The following LRMDA variants were observed in gnomAD, a reference collection of about 807,000 sequenced individuals.
LRMDA encodes leucine-rich melanocyte differentiation-associated protein.
A neutral mutation model predicts 29.8 loss-of-function variants in LRMDA; 18 were observed. That is an observed-to-expected ratio of 0.60 (90% CI 0.42 to 0.90). The LOEUF (loss-of-function observed/expected upper bound fraction) is 0.90, where lower values mean the gene tolerates loss of function less well. Ranked by LOEUF, LRMDA falls within the 40% of genes least tolerant of loss-of-function variation. The probability of loss-of-function intolerance (pLI) is 0.00; values close to 1 mark genes in which losing one functional copy is unlikely to be tolerated. For synonymous variants in LRMDA, 125 were observed against 109.4 expected (o/e 1.14, Z -0.89); for missense variants, 273 against 273.9 (o/e 1.00, Z 0.02).
At chr10:75,661,212 G>C (rs531280385) in intron 2 of LRMDA, among the ~76,000 whole-genome samples, 1 of 152,288 alleles carries the variant, frequency 6.6e-6, no homozygotes, top group Non-Finnish European at 1.5e-5. Context: ...AGGAATGACT[G>C]CTTTACTCTG....
chr10:76,234,959 A>G (rs1852125399), intron 5 of LRMDA, among the ~76,000 whole-genome samples: 1 of 152,216 alleles, frequency 6.6e-6, no homozygotes, highest in African/African-American at 2.4e-5. Flanking sequence ...ATCTCCTTCA[A>G]GAACTTTTCC....
chr10:76,512,297 C>T (rs1285440216), intron 6 of LRMDA, among the ~76,000 whole-genome samples: 1 of 152,158 alleles, frequency 6.6e-6, no homozygotes, highest in African/African-American at 2.4e-5. Context: ...AGTGTGAAAA[C>T]GGACTAATAC....
chr10:76,233,130 C>T (rs1852090756), intron 5 of LRMDA, among the ~76,000 whole-genome samples: 1 of 152,118 alleles, frequency 6.6e-6, no homozygotes, highest in Non-Finnish European at 1.5e-5. Context: ...CACCGGGGAC[C>T]CCCACTGTCT....
At chr10:75,782,067 A>AT (rs1344194567) in intron 2 of LRMDA, among the ~76,000 whole-genome samples, 1 of 152,232 alleles carries the variant, frequency 6.6e-6, no homozygotes, top group Non-Finnish European at 1.5e-5. Context: ...GAGAACCAAC[A>AT]TTGCATCTCG....
At chr10:76,469,842 C>G (rs1842600285) in intron 6 of LRMDA, among the ~76,000 whole-genome samples, 1 of 152,134 alleles carries the variant, frequency 6.6e-6, no homozygotes. Flanking sequence ...ATGTACAATT[C>G]AGTGGCATCT....
chr10:76,087,997 A>C (rs1349152959), intron 5 of LRMDA, among the ~76,000 whole-genome samples: 1 of 152,102 alleles, frequency 6.6e-6, no homozygotes, highest in East Asian at 1.9e-4. Flanking sequence ...AGGTGTACCT[A>C]TAGTCCCAGC....
intron 6 of LRMDA, among the ~76,000 whole-genome samples, chr10:76,329,320 A>G (rs1589139033): frequency 6.6e-6 from 1 of 152,234 alleles, no homozygotes; most frequent in Non-Finnish European, 1.5e-5. Context: ...GCCAATAGCT[A>G]TCATGTGGAG....
At chr10:75,551,485 GC>G (rs1159306322) in intron 2 of LRMDA, among the ~76,000 whole-genome samples, 1 of 148,678 alleles carries the variant, frequency 6.7e-6, no homozygotes, top group Admixed American at 6.7e-5. Flanking sequence ...CCCTCCCCTA[GC>G]CCCCATCCCC....
chr10:76,058,012 G>A (rs1440884546), intron 4 of LRMDA, among the ~76,000 whole-genome samples: 2 of 152,186 alleles, frequency 1.3e-5, no homozygotes, highest in African/African-American at 4.8e-5. Context: ...TTCTTCCAGG[G>A]AAATGGAGAG....
chr10:75,889,368 A>G (rs1290115734), intron 2 of LRMDA, among the ~76,000 whole-genome samples: 1 of 152,164 alleles, frequency 6.6e-6, no homozygotes, highest in Non-Finnish European at 1.5e-5. Context: ...CTTTCCCTTC[A>G]GCTATTGTCT....
chr10:75,548,091 C>T (rs2132052997), intron 2 of LRMDA, among the ~76,000 whole-genome samples: 1 of 148,466 alleles, frequency 6.7e-6, no homozygotes, highest in South Asian at 2.1e-4. Flanking sequence ...TGAAGGACAG[C>T]ATTTAAAAGA....
chr10:76,487,183 T>G (rs1842790717), intron 6 of LRMDA, among the ~76,000 whole-genome samples: 1 of 151,950 alleles, frequency 6.6e-6, no homozygotes, highest in Admixed American at 6.6e-5. Flanking sequence ...TAACTTTGGC[T>G]CTTGAATCTT....
chr10:75,734,945 C>G (rs1842743500), intron 2 of LRMDA, among the ~76,000 whole-genome samples: 1 of 152,248 alleles, frequency 6.6e-6, no homozygotes, highest in South Asian at 2.1e-4. Context: ...CTGATCCTCT[C>G]ATGCTGCTCT....
Position 76,414,706 on chromosome 10 carries a change from A to C in LRMDA, c.601+90221A>C, listed in dbSNP as rs531497087. Among the ~76,000 whole-genome samples the C allele has an allele frequency of 2.0e-5, 3 of 152,328 alleles. No homozygotes were observed. In the South Asian group the frequency reaches 6.2e-4, roughly 32 times the overall value. On this transcript the variant is annotated intron_variant, in intron 6 of 6. Transcript: ENST00000611255. ...CTCCTCTTCTGTGTGTAAGATTTGT[A>C]ACCCTGAGAAAACTGGTTGAGCCAT...
At chr10:75,561,986 G>A (rs1367927831) in intron 2 of LRMDA, among the ~76,000 whole-genome samples, 1 of 152,024 alleles carries the variant, frequency 6.6e-6, no homozygotes, top group Admixed American at 6.6e-5. Context: ...GTGGTGTGGT[G>A]CTGAAAAAAA....
chr10:75,948,709 A>G (rs867010557), intron 2 of LRMDA, among the ~76,000 whole-genome samples: 7 of 152,110 alleles, frequency 4.6e-5, no homozygotes, highest in Admixed American at 6.5e-5. Flanking sequence ...ACCAGCTGAG[A>G]GAACCTTTTC....
intron 2 of LRMDA, among the ~76,000 whole-genome samples, chr10:75,912,620 G>A (rs774933000): frequency 6.6e-6 from 1 of 152,166 alleles, no homozygotes; most frequent in African/African-American, 2.4e-5. Context: ...TAGGGGAGGT[G>A]AGGATGAGGG....
At chr10:76,264,478 ATG>A (rs1839982793) in intron 5 of LRMDA, among the ~76,000 whole-genome samples, 2 of 143,450 alleles carry the variant, frequency 1.4e-5, no homozygotes, top group South Asian at 4.6e-4. Context: ...GATTGAAATA[ATG>A]TGTTTTCCAT....
chr10:75,657,737 G>A (rs769496229), intron 2 of LRMDA, among the ~76,000 whole-genome samples: 4 of 152,210 alleles, frequency 2.6e-5, no homozygotes, highest in Non-Finnish European at 4.4e-5. Flanking sequence ...GGGTGAGAGA[G>A]TTGGGGGGCA....
Sources: allele counts gnomAD v4.1 joint callset (sites outside exome capture counted in the v4.1 genomes callset), GRCh38; gene constraint gnomAD v4.1.1; transcripts MANE v1.5; gene names NCBI Gene and HGNC (gene_info 2026-07-23, HGNC 2026-07-21).